The following PCDHGB1 variants were observed in gnomAD, a reference collection of about 807,000 sequenced individuals.
PCDHGB1 encodes the protein protocadherin gamma subfamily B, 1, also known as protocadherin gamma-B1.
PCDHGB1 carries 34 observed loss-of-function variants against 56.6 expected under a neutral mutation model. The ratio of observed to expected loss-of-function variants is 0.60; its 90% CI spans 0.46 to 0.80. The LOEUF is 0.80. Among genes scored for constraint, PCDHGB1 ranks in the 30% least tolerant of loss-of-function variants. PCDHGB1 has a pLI of 0.00. For synonymous variants in PCDHGB1, 561 were observed against 505.9 expected, an observed-to-expected ratio of 1.11 and a Z score of -1.46; for missense variants, 1,278 against 1,204.6, an observed-to-expected ratio of 1.06 and a Z score of -0.90.
chr5:141,472,980 C>CAAAAAAAAAAAAAAAAAAGAAAAAAAA (rs60579131), intron 1 of PCDHGB1, among the ~76,000 whole-genome samples: 1 of 86,106 alleles, frequency 1.2e-5, no homozygotes, highest in Non-Finnish European at 2.5e-5. Flanking sequence ...GAGTGAAACT[C>CAAAAAAAAAAAAAAAAAAGAAAAAAAA]AAAAAAAAAA....
intron 1 of PCDHGB1, chr5:141,409,051 C>T (rs767003760): frequency 3.7e-6 from 6 of 1,614,032 alleles, no homozygotes; most frequent in Non-Finnish European, 5.1e-6. Context: ...ACTTCCGAAG[C>T]ACTGCCCAGA....
chr5:141,419,350 G>T lies in PCDHGB1; in HGVS notation c.2409+66681G>T, dbSNP rs202038869. 1.1e-4 allele frequency: 173 copies of T among 1,613,730 alleles called. 2 individuals are homozygous for T. The highest frequency in any genetic ancestry group is 2.3e-4 in the Admixed American group (14 of 60,012). ...ACTCTCTCATTGCCAGCGACCTGGA[G>T]TCACGAACGCTGTCGTCCTACGTGT... On this transcript the variant is annotated intron_variant, in intron 1 of 3. Transcript: ENST00000523390.
intron 1 of PCDHGB1, chr5:141,370,674 G>A: frequency 1.9e-6 from 3 of 1,613,890 alleles, no homozygotes; most frequent in South Asian, 1.1e-5. Flanking sequence ...AGACCGAGAG[G>A]AGATTTGTGG....
At position 141,477,112 on chromosome 5, in the gene PCDHGB1, A is replaced by C. The variant is rs745449028; in HGVS notation, c.2410-17695A>C. The C allele has an allele frequency of 2.5e-6, 4 of 1,614,262 alleles. No homozygotes were observed. The South Asian group carries it at 4.4e-5, about 18-fold the overall frequency. Reference sequence around the variant, plus strand: ...CCAAAGACAAGGGCGCCAATCCCGAAGGAGCACATTGCAAAGTGTTGGTGG... The same window carrying C: ...CCAAAGACAAGGGCGCCAATCCCGACGGAGCACATTGCAAAGTGTTGGTGG... On this transcript the variant is annotated intron_variant, in intron 1 of 3. Transcript: ENST00000523390. This position sits in a 1 kb window ranked among gnomAD's most constrained non-coding sequence, Gnocchi z 4.9.
At chr5:141,408,836 T>G in intron 1 of PCDHGB1, 1 of 1,613,680 alleles carries the variant, frequency 6.2e-7, no homozygotes, top group Non-Finnish European at 8.5e-7. Context: ...TAGCTTGATA[T>G]TGACTGCCTT....
At chr5:141,480,781 G>A (rs2099525581) in intron 1 of PCDHGB1, among the ~76,000 whole-genome samples, 1 of 152,174 alleles carries the variant, frequency 6.6e-6, no homozygotes, top group Admixed American at 6.5e-5. Flanking sequence ...CTAATGTGCA[G>A]ACAAATTTGA....
chr5:141,404,250 C>A lies in PCDHGB1; in HGVS notation c.2409+51581C>A, dbSNP rs1282621596. 2.5e-6 allele frequency: 4 copies of A among 1,613,886 alleles called. No homozygotes were observed. In the Admixed American group the frequency reaches 5.0e-5, roughly 20 times the overall value. On this transcript the variant is annotated intron_variant, in intron 1 of 3. Coordinates refer to ENST00000523390, the MANE Select transcript of PCDHGB1 (RefSeq NM_018922.3). Reference sequence around the variant, plus strand: ...ACAGACAGAGGAACTCCGCCCCTGTCCACAGAAATTCACATCACCCTGCAA... The same window carrying A: ...ACAGACAGAGGAACTCCGCCCCTGTACACAGAAATTCACATCACCCTGCAA...
chr5:141,469,821 G>GTCAC (rs2099212195), intron 1 of PCDHGB1, among the ~76,000 whole-genome samples: 1 of 152,028 alleles, frequency 6.6e-6, no homozygotes, highest in African/African-American at 2.4e-5. Flanking sequence ...TAGAATGGAG[G>GTCAC]TCACATAAAA....
intron 1 of PCDHGB1, among the ~76,000 whole-genome samples, chr5:141,455,125 A>G (rs952979433): frequency 3.5e-4 from 53 of 151,762 alleles, no homozygotes; most frequent in Non-Finnish European, 1.0e-4. Flanking sequence ...CTAATGTTTT[A>G]AATTACACTG....
chr5:141,372,444 C>A (rs756100994), intron 1 of PCDHGB1: 1 of 1,614,058 alleles, frequency 6.2e-7, no homozygotes, highest in Non-Finnish European at 8.5e-7. Flanking sequence ...TCCCTCTGAC[C>A]CTCAGGCGGA....
chr5:141,384,002 T>C, intron 1 of PCDHGB1: 1 of 1,613,878 alleles, frequency 6.2e-7, no homozygotes, highest in South Asian at 1.1e-5. Flanking sequence ...GTCATTGCTC[T>C]TTTCTACCTA....
chr5:141,366,383 G>A, intron 1 of PCDHGB1: 1 of 1,614,130 alleles, frequency 6.2e-7, no homozygotes, highest in Non-Finnish European at 8.5e-7. Flanking sequence ...CATTGACCCT[G>A]AGGATCTGGA....
At chr5:141,404,783 G>A (rs758824309) in intron 1 of PCDHGB1, 39 of 1,613,798 alleles carry the variant, frequency 2.4e-5, no homozygotes, top group South Asian at 2.2e-4. Context: ...CCTATTCAAG[G>A]CCAGTGAGCC....
chr5:141,377,732 C>A (rs554693714), intron 1 of PCDHGB1: 2 of 152,264 alleles, frequency 1.3e-5, no homozygotes, highest in African/African-American at 4.8e-5. Flanking sequence ...AGATAAGAAT[C>A]ATTGGTAACT....
chr5:141,480,414 CA>C (rs10712552), intron 1 of PCDHGB1, among the ~76,000 whole-genome samples: 43,347 of 147,074 alleles, frequency 0.29, 6,620 homozygotes, highest in African/African-American at 0.4. Flanking sequence ...GACCCTGTCT[CA>C]AAAAAAAAAA....
In PCDHGB1 at chr5:141,487,258, G is replaced by T. The variant is rs368598017; in HGVS notation, c.2410-7549G>T. On this transcript the variant is annotated intron_variant, in intron 1 of 3. Transcript: ENST00000523390. The surrounding 1 kb of genome is among the most constrained non-coding windows in gnomAD (Gnocchi z 5.0). ...CTCGTCTAACCCTCTACTTGGCTGT[G>T]TCCCTAGTGGCAATTTGCTTTGTCT... 1.5e-4 allele frequency: 240 copies of T among 1,614,026 alleles called. 1 individual carries two copies. The highest frequency in any genetic ancestry group is 3.3e-5 in the Admixed American group (2 of 60,004).
At position 141,490,852 on chromosome 5, in the gene PCDHGB1, G is replaced by A. The variant is rs759198428; in HGVS notation, c.2410-3955G>A. 2 of 1,613,896 alleles carry A rather than the reference G, an allele frequency of 1.2e-6. No individual in the cohort carries two copies. Among genetic ancestry groups the A allele is most frequent in the Non-Finnish European group, 1.7e-6 (2 of 1,179,928 alleles). ...GCTGCAGATTGTGGTGGGGGTTCGA[G>A]ACTCCGGCTCTCCCCCATTGCATGC... On this transcript the variant is annotated intron_variant, in intron 1 of 3. Transcript: ENST00000523390. The surrounding 1 kb of genome is among the most constrained non-coding windows in gnomAD (Gnocchi z 5.4).
rs776543767 is a variant in PCDHGB1 at position 141,432,028 on chromosome 5, C to G, written c.2410-62779C>G. The G allele has an allele frequency of 6.2e-7, 1 of 1,614,168 alleles. No homozygotes were observed. The highest frequency in any genetic ancestry group is 2.2e-5 in the East Asian group (1 of 44,882). On this transcript the variant is annotated intron_variant, in intron 1 of 3. Transcript: ENST00000523390. This position sits in a 1 kb window ranked among gnomAD's most constrained non-coding sequence, Gnocchi z 6.0. ...TTCCTAGCTACAACATCACAGTGAC[C>G]GCCACTGACCGGGGAACCCCGCCCC...
intron 2 of PCDHGB1, among the ~76,000 whole-genome samples, chr5:141,503,269 C>A (rs1161751693): frequency 6.6e-6 from 1 of 152,116 alleles, no homozygotes; most frequent in Non-Finnish European, 1.5e-5. Context: ...ACCCCAGCAC[C>A]TGGCTCTGTG....
Sources: allele counts gnomAD v4.1 joint callset (sites outside exome capture counted in the v4.1 genomes callset), GRCh38; gene constraint gnomAD v4.1.1; non-coding constraint Gnocchi (gnomAD v3.1); transcripts MANE v1.5; gene names NCBI Gene and HGNC (gene_info 2026-07-23, HGNC 2026-07-21).